The following ACACA variants were observed in gnomAD, a reference collection of about 807,000 sequenced individuals.
ACACA encodes the protein acetyl-CoA carboxylase 1.
In ACACA, 103 loss-of-function variants were observed where a neutral mutation model predicts 296.1. That is an observed-to-expected ratio of 0.35 (90% CI 0.30 to 0.41). The LOEUF is 0.41. ACACA is among the 10% of genes least tolerant of loss of function. The pLI is 1.00. For missense variants in ACACA, 1,554 were observed against 2,989.7 expected, an observed-to-expected ratio of 0.52 and a Z score of 11.20; for synonymous variants, 953 against 1,038.6, an observed-to-expected ratio of 0.92 and a Z score of 1.58.
intron 1 of ACACA, among the ~76,000 whole-genome samples, chr17:37,401,379 G>T (rs2051284332): frequency 6.6e-6 from 1 of 151,386 alleles, no homozygotes; most frequent in Non-Finnish European, 1.5e-5. Context: ...TTTTAGTAGA[G>T]ACAGGGTTTC....
intron 6 of ACACA, among the ~76,000 whole-genome samples, chr17:37,277,456 C>A (rs2082328314): frequency 6.6e-6 from 1 of 152,192 alleles, no homozygotes; most frequent in African/African-American, 2.4e-5. Context: ...TTACTATGGC[C>A]ACTCCATTAC....
intron 3 of ACACA, 140 bp downstream of exon 3, chr17:37,330,033 T>A: frequency 9.4e-7 from 1 of 1,065,694 alleles, no homozygotes; most frequent in Non-Finnish European, 1.4e-6. Flanking sequence ...CATTTCTGAC[T>A]TCCTCAACAA....
intron 41 of ACACA, among the ~76,000 whole-genome samples, chr17:37,173,604 T>C (rs1299624375): frequency 1.3e-5 from 2 of 152,100 alleles, no homozygotes; most frequent in Admixed American, 6.5e-5. Context: ...GTGTATTTTT[T>C]TATATGTTTA....
chr17:37,316,921 A>G (rs1185349342), intron 3 of ACACA, among the ~76,000 whole-genome samples: 4 of 152,058 alleles, frequency 2.6e-5, no homozygotes, highest in Admixed American at 2.0e-4. Flanking sequence ...AAAAATACAA[A>G]AATTAGCTGG....
chr17:37,174,408 T>G (rs2077029808), intron 41 of ACACA, among the ~76,000 whole-genome samples: 1 of 152,108 alleles, frequency 6.6e-6, no homozygotes, highest in Non-Finnish European at 1.5e-5. Flanking sequence ...GCTAAGCTGC[T>G]GAGAAGGAAA....
chr17:37,118,387 C>T (rs2074359396), intron 50 of ACACA, among the ~76,000 whole-genome samples: 3 of 152,166 alleles, frequency 2.0e-5, no homozygotes, highest in South Asian at 4.1e-4. Flanking sequence ...CTGAATTGTA[C>T]ACTTACAAAT....
At chr17:37,100,484 T>C (rs1351237340) in intron 52 of ACACA, among the ~76,000 whole-genome samples, 4 of 151,770 alleles carry the variant, frequency 2.6e-5, no homozygotes, top group Non-Finnish European at 5.9e-5. Context: ...TGAGGAAACA[T>C]GCTACAAAAA....
chr17:37,087,447 G>A lies in ACACA; in HGVS notation c.7029-8C>T. On this transcript the variant is annotated splice_region_variant and splice_polypyrimidine_tract_variant and intron_variant, in intron 55 of 55. Coordinates refer to ENST00000616317, the MANE Select transcript of ACACA (RefSeq NM_198834.3). Reference sequence around the variant, plus strand: ...GGATTGGCCTGGACCAAGCTGGAAAGGAAGATTGAGAATGGTGAAGAAAAG... The same window carrying A: ...GGATTGGCCTGGACCAAGCTGGAAAAGAAGATTGAGAATGGTGAAGAAAAG... The A allele has an allele frequency of 1.2e-6, 2 of 1,614,116 alleles. No homozygotes were observed. The highest frequency in any genetic ancestry group is 1.7e-6 in the Non-Finnish European group (2 of 1,180,016).
intron 47 of ACACA, 124 bp from the exon 48 acceptor site, chr17:37,125,918 T>A: frequency 1.3e-6 from 1 of 788,634 alleles, no homozygotes; most frequent in Non-Finnish European, 2.2e-6. Flanking sequence ...TTTAACCAAA[T>A]TATAATAGAT....
At position 37,244,741 on chromosome 17, in the gene ACACA, A is replaced by AC; in HGVS notation, c.2596-8dup. 1 of 1,614,146 alleles carries AC rather than the reference A, an allele frequency of 6.2e-7. No homozygotes were observed. On this transcript the variant is annotated splice_region_variant and splice_polypyrimidine_tract_variant and intron_variant, in intron 20 of 55. Transcript: ENST00000616317. ...TACCTGTGTGAAGTTCAGCCTGTCA[A>AC]CCCCAACAAGAGATCAAGTCATCTA...
At position 37,115,081 on chromosome 17, in the gene ACACA, C is replaced by G. The variant is rs1029236979; in HGVS notation, c.6275-1816G>C. On this transcript the variant is annotated intron_variant, in intron 50 of 55. Transcript: ENST00000616317. ...TTCCAAGTTACCCCAGAAAACACCC[C>G]CTACTCTATGTGGAATGTGTATGAT... 5.3e-5 allele frequency among the ~76,000 whole-genome samples: 8 copies of G among 152,308 alleles called. No individual in the cohort carries two copies. The East Asian group carries it at 1.5e-3, about 29-fold the overall frequency.
intron 45 of ACACA, chr17:37,141,380 G>A: frequency 2.9e-6 from 1 of 342,326 alleles, no homozygotes; most frequent in East Asian, 7.9e-5. Context: ...GGATGCCACT[G>A]CCAAAGGTTC....
At chr17:37,162,760 C>A in intron 41 of ACACA, 1 of 203,280 alleles carries the variant, frequency 4.9e-6, no homozygotes, top group Non-Finnish European at 1.0e-5. Context: ...TACTTGGTAT[C>A]TCAGCTAAAG....
At chr17:37,247,659 G>A (rs1003015134) in intron 18 of ACACA, among the ~76,000 whole-genome samples, 2 of 152,108 alleles carry the variant, frequency 1.3e-5, no homozygotes, top group East Asian at 1.9e-4. Context: ...GAGCCACCGC[G>A]CCCAGCCACA....
chr17:37,209,489 TC>T (rs1038130428), intron 30 of ACACA, among the ~76,000 whole-genome samples: 19 of 152,280 alleles, frequency 1.2e-4, no homozygotes, highest in African/African-American at 4.3e-4. Context: ...CTATTCAGTT[TC>T]CCCTCACTGC....
intron 52 of ACACA, among the ~76,000 whole-genome samples, chr17:37,109,968 C>T (rs551980216): frequency 2.0e-5 from 3 of 152,070 alleles, no homozygotes; most frequent in Admixed American, 6.5e-5. Context: ...TGCGGCCCTG[C>T]GGCTTGTTTG....
chr17:37,177,754 C>T (rs1280390363), intron 41 of ACACA, among the ~76,000 whole-genome samples: 1 of 152,148 alleles, frequency 6.6e-6, no homozygotes, highest in East Asian at 1.9e-4. Flanking sequence ...GTTTCAACTT[C>T]GTGTGCTGAT....
chr17:37,283,546 A>T (rs570156196), intron 4 of ACACA, 141 bp from the exon 5 acceptor site: 6 of 1,084,116 alleles, frequency 5.5e-6, no homozygotes, highest in Non-Finnish European at 6.6e-6. Context: ...TTACTGGTCC[A>T]GACTGTTAGA....
intron 33 of ACACA, among the ~76,000 whole-genome samples, chr17:37,200,902 C>T (rs1450286401): frequency 6.6e-6 from 1 of 152,116 alleles, no homozygotes; most frequent in African/African-American, 2.4e-5. Context: ...TTCCATAAAA[C>T]ATAAAACACA....
Sources: allele counts gnomAD v4.1 joint callset (sites outside exome capture counted in the v4.1 genomes callset), GRCh38; gene constraint gnomAD v4.1.1; transcripts MANE v1.5; gene names NCBI Gene and HGNC (gene_info 2026-07-23, HGNC 2026-07-21).